The following DNAJB1 variants were observed in gnomAD, a reference collection of about 807,000 sequenced individuals.
DNAJB1 encodes dnaJ homolog subfamily B member 1.
DNAJB1 carries 14 observed loss-of-function variants against 24.0 expected under a neutral mutation model. That is an observed-to-expected ratio of 0.58 (90% CI 0.39 to 0.91). The LOEUF is 0.91. DNAJB1 is among the 40% of genes least tolerant of loss of function. The pLI, the probability that DNAJB1 is intolerant of heterozygous loss-of-function variation, is 0.00. For synonymous variants in DNAJB1, 262 were observed against 174.4 expected (o/e 1.50, Z -3.96); for missense variants, 517 against 458.1 (o/e 1.13, Z -1.17).
At chr19:14,521,424 G>A (rs565158964), upstream of DNAJB1, among the ~76,000 whole-genome samples, 2 of 151,288 alleles carry the variant, frequency 1.3e-5, no homozygotes, top group African/African-American at 4.8e-5. Context: ...GTGCCACTGT[G>A]CTCCAGACTG....
At chr19:14,529,380 T>G, upstream of DNAJB1, 25 of 520,888 alleles carry the variant, frequency 4.8e-5, no homozygotes, top group East Asian at 1.0e-4. Flanking sequence ...CTCCTTTGGA[T>G]TGGTGGATGG....
At chr19:14,536,327 T>G (rs1284336550) in intron 1 of DNAJB1, among the ~76,000 whole-genome samples, 1 of 150,316 alleles carries the variant, frequency 6.7e-6, no homozygotes, top group Non-Finnish European at 1.5e-5. Context: ...TGGAGTGCAG[T>G]GGTGCCATCT....
upstream of DNAJB1, among the ~76,000 whole-genome samples, chr19:14,552,902 G>A (rs535273502): frequency 6.6e-6 from 1 of 152,116 alleles, no homozygotes; most frequent in African/African-American, 2.4e-5. Context: ...TAGGTACAGG[G>A]TGAGCATCTG....
At chr19:14,555,729 C>A (rs189751920) in intron 1 of DNAJB1, among the ~76,000 whole-genome samples, 22 of 152,268 alleles carry the variant, frequency 1.4e-4, no homozygotes, top group Non-Finnish European at 2.8e-4. Context: ...GTGTGAGTCA[C>A]CATGCGTGGA....
Position 14,516,024 on chromosome 19 carries a change from G to T in DNAJB1, c.939C>A (p.Asp313Glu). 6.2e-7 allele frequency: 1 copy of T among 1,612,806 alleles called. No individual in the cohort carries two copies. Among genetic ancestry groups the T allele is most frequent in the Non-Finnish European group, 8.5e-7 (1 of 1,179,568 alleles). The change falls in exon 3 of 3, where the codon GAC becomes GAA. Residue 313 changes from aspartate to glutamate, a missense_variant. By Grantham distance (45) the Asp-to-Glu change is conservative. Coordinates refer to ENST00000254322, the MANE Select transcript of DNAJB1 (RefSeq NM_006145.3). ...AGATCACTTCAAACTCAATAATGAG[G>T]TCCCCACGTTTCTCGGGTGTTTTGG... is the stretch of plus-strand genomic sequence containing the variant. ...PLPKTPEKRGDLIIEFEVIFP... is the reference protein window; with the variant it reads ...PLPKTPEKRGELIIEFEVIFP...
Position 14,516,041 on chromosome 19 carries a change from G to C in DNAJB1, c.922C>G (p.Pro308Ala). Residue 308 changes from proline (P) to alanine (A), a missense_variant, in exon 3 of 3, where the codon CCC (proline) becomes GCC (alanine). By Grantham distance (27) the Pro-to-Ala change is conservative (BLOSUM62 -1). Coordinates refer to ENST00000254322, the MANE Select transcript of DNAJB1 (RefSeq NM_006145.3). ...ATAATGAGGTCCCCACGTTTCTCGG[G>C]TGTTTTGGGGAGGGGGAGGCCTTCT... is the stretch of plus-strand genomic sequence containing the variant. ...PGEGLPLPKT[P>A]EKRGDLIIEF... The C allele has an allele frequency of 6.2e-6, 10 of 1,613,100 alleles. No individual in the cohort carries two copies. The highest frequency in any genetic ancestry group is 8.5e-6 in the Non-Finnish European group (10 of 1,179,714).
At chr19:14,521,472 A>AATG (rs1477874043), upstream of DNAJB1, among the ~76,000 whole-genome samples, 2 of 149,086 alleles carry the variant, frequency 1.3e-5, no homozygotes, top group Non-Finnish European at 3.0e-5. Context: ...TAATAATAAT[A>AATG]ATAATAATAA....
At chr19:14,522,487 G>GA (rs60019206), upstream of DNAJB1, among the ~76,000 whole-genome samples, 13,859 of 59,190 alleles carry the variant, frequency 0.23, 1,212 homozygotes, top group African/African-American at 0.33. Flanking sequence ...CTGTCTCGAA[G>GA]AAAAAAAAAA....
In DNAJB1 at chr19:14,546,190, G is replaced by A. The variant is rs1047119487; in HGVS notation, c.-214+4018C>T. ...GCGGCGCTGGGGGCTACTCAGCTGG[G>A]AAATCATTACAGACATTTCCGATCA... On this transcript the variant is annotated intron_variant, in intron 1 of 3. Coordinates refer to the DNAJB1 transcript ENST00000676982. 2.0e-5 allele frequency among the ~76,000 whole-genome samples: 3 copies of A among 152,094 alleles called. No individual in the cohort carries two copies. The East Asian group carries it at 5.8e-4, about 29-fold the overall frequency.
rs71166754 is a variant in DNAJB1, at chr19:14,542,347, G to GTTTTTTTTTTTTTTTTTTTTTTT, written c.-214+7838_-214+7860dup. On this transcript the variant is annotated intron_variant, in intron 1 of 3. Transcript: ENST00000676982. ...CCTCAGGGGGCCCTCATGCCATAGTGTTTTTTTTTTTTTTTTTTTTTTTTT... is the reference window on the plus strand; with the variant it reads ...CCTCAGGGGGCCCTCATGCCATAGTGTTTTTTTTTTTTTTTTTTTTTTTTTTTTTTTTTTTTTTTTTTTTTTTT... 6.9e-5 allele frequency among the ~76,000 whole-genome samples: 3 copies of GTTTTTTTTTTTTTTTTTTTTTTT among 43,300 alleles called. 1 individual carries two copies. Among genetic ancestry groups the GTTTTTTTTTTTTTTTTTTTTTTT allele is most frequent in the East Asian group, 6.9e-4 (1 of 1,454 alleles). 28.4% of individuals were successfully genotyped at this position (43,300 alleles called of 152,430 possible). A position where few individuals can be genotyped will look rare whatever the true frequency, so the allele number is the denominator to read the frequency against.
Position 14,534,804 on chromosome 19 carries a change from G to A in DNAJB1, c.-213-6994C>T, listed in dbSNP as rs113745172. 7.9e-3 allele frequency among the ~76,000 whole-genome samples: 1,197 copies of A among 152,296 alleles called. 2 individuals carry two copies. The highest frequency in any genetic ancestry group is 0.012 in the Non-Finnish European group (845 of 68,028). ...GTTCTACTTTACAGATAATGCAACT[G>A]AAGCTCAGAGAGGTAAACTAAGCTG... On this transcript the variant is annotated intron_variant, in intron 1 of 3. Coordinates refer to the DNAJB1 transcript ENST00000676982.
At chr19:14,555,373 T>C (rs564716038) in intron 1 of DNAJB1, among the ~76,000 whole-genome samples, 17 of 149,998 alleles carry the variant, frequency 1.1e-4, no homozygotes, top group Non-Finnish European at 2.4e-4. Context: ...CTCAGCCTCC[T>C]GAGTAGCTGG....
At chr19:14,522,507 A>AT (rs2072372034), upstream of DNAJB1, among the ~76,000 whole-genome samples, 1 of 150,802 alleles carries the variant, frequency 6.6e-6, no homozygotes. Context: ...AAAAAAAAAA[A>AT]GCCAACACTG....
chr19:14,555,438 CTTTTTTTTTTTTT>C (rs747503834), intron 1 of DNAJB1, among the ~76,000 whole-genome samples: 3 of 92,882 alleles, frequency 3.2e-5, no homozygotes, highest in East Asian at 6.5e-4. Context: ...TTTATTTATT[CTTTTTTTTTTTTT>C]TTTTTTTTTT....
chr19:14,523,611 C>CT (rs2072386555), intron 2 of DNAJB1, among the ~76,000 whole-genome samples: 2 of 147,258 alleles, frequency 1.4e-5, no homozygotes, highest in South Asian at 4.3e-4. Flanking sequence ...TACACCCGGC[C>CT]TTGTTTTTGT....
At position 14,558,369 on chromosome 19, in the gene DNAJB1, C is replaced by G. The variant is rs190174269; in HGVS notation, c.-2166+1662G>C. Among the ~76,000 whole-genome samples the G allele has an allele frequency of 3.3e-3, 508 of 152,320 alleles. 2 individuals carry two copies. Among genetic ancestry groups the G allele is most frequent in the East Asian group, 0.023 (119 of 5,172 alleles). ...AAGACGGGCTCTGTTGCTTGCGGCA[C>G]TCCCCTCTGGGCTTGGGAGGCACAA... On this transcript the variant is annotated intron_variant, in intron 1 of 5. Coordinates refer to the DNAJB1 transcript ENST00000679223.
chr19:14,528,710 C>T (rs2072497809), intron 1 of DNAJB1, among the ~76,000 whole-genome samples: 2 of 151,510 alleles, frequency 1.3e-5, no homozygotes, highest in Admixed American at 1.3e-4. Flanking sequence ...GAGGCTGAGG[C>T]GGGAGGATCA....
upstream of DNAJB1, among the ~76,000 whole-genome samples, chr19:14,554,181 C>T (rs954093483): frequency 1.3e-5 from 2 of 152,150 alleles, no homozygotes; most frequent in South Asian, 2.1e-4. Flanking sequence ...ATCTGTGAAA[C>T]GGAGCTAATG....
At chr19:14,535,543 AATATATAT>A (rs747348455) in intron 1 of DNAJB1, among the ~76,000 whole-genome samples, 414 of 32,676 alleles carry the variant, frequency 0.013, 4 homozygotes, top group African/African-American at 0.016. Context: ...AAAAAAAAAA[AATATATAT>A]ATATATATAT....
Sources: allele counts gnomAD v4.1 joint callset (sites outside exome capture counted in the v4.1 genomes callset), GRCh38; gene constraint gnomAD v4.1.1; transcripts MANE v1.5; gene names NCBI Gene and HGNC (gene_info 2026-07-23, HGNC 2026-07-21).